Variants in FHL2 observed in about 807,000 individuals in gnomAD.
FHL2 encodes the protein four and a half LIM domains protein 2.
Under a neutral mutation model 32.7 loss-of-function variants are expected in FHL2, and 20 were observed. That is an observed-to-expected ratio of 0.61 (90% confidence interval 0.43 to 0.89). The LOEUF (loss-of-function observed/expected upper bound fraction) is 0.89, where lower values mean the gene tolerates loss of function less well. Ranked by LOEUF, FHL2 falls within the 40% of genes least tolerant of loss-of-function variation. The probability of loss-of-function intolerance (pLI) is 0.00; values close to 1 mark genes in which losing one functional copy is unlikely to be tolerated. For missense variants in FHL2, 311 were observed against 358.6 expected (o/e 0.87, Z 1.07); for synonymous variants, 123 against 128.1 (o/e 0.96, Z 0.27).
Position 105,375,362 on chromosome 2 carries a change from G to A in FHL2, c.157-1629C>T, listed in dbSNP as rs184434009. 21 of 152,370 alleles carry A rather than the reference G, an allele frequency of 1.4e-4. No homozygotes were observed. The East Asian group carries it at 3.7e-3, about 27-fold the overall frequency. The allele number at this position is 152,370 out of a possible 1,614,324, so 9.4% of individuals were successfully genotyped here. A position where few individuals can be genotyped will look rare whatever the true frequency, so the allele number is the denominator to read the frequency against. On this transcript the variant is annotated intron_variant, in intron 3 of 6. Coordinates refer to ENST00000530340, the MANE Select transcript of FHL2 (RefSeq NM_001318895.3). ...CTTGTGCTATCCCTGTTGGAAGTTT[G>A]CTTCCTAGAACATCTGGGAATAGGA...
At chr2:105,378,919 G>C (rs1367122445) in intron 3 of FHL2, 1 of 152,182 alleles carries the variant, frequency 6.6e-6, no homozygotes, top group East Asian at 1.9e-4. Flanking sequence ...AGGGTGGTGG[G>C]CTTCCTGGGC....
At chr2:105,406,490 G>C (rs1683634923) in intron 1 of FHL2, among the ~76,000 whole-genome samples, 2 of 133,302 alleles carry the variant, frequency 1.5e-5, no homozygotes, top group South Asian at 4.8e-4. Flanking sequence ...TTGATAACTT[G>C]AAATTCAATT....
chr2:105,419,558 C>A (rs1684038190), intron 1 of FHL2, among the ~76,000 whole-genome samples: 1 of 152,222 alleles, frequency 6.6e-6, no homozygotes, highest in Admixed American at 6.5e-5. Flanking sequence ...AGCACCAAGA[C>A]AGGTCTGCAC....
chr2:105,402,836 C>T (rs1218374749), upstream of FHL2, among the ~76,000 whole-genome samples: 1 of 152,212 alleles, frequency 6.6e-6, no homozygotes. Context: ...GAGCATGGCA[C>T]ATAGTATGTG....
chr2:105,363,050 G>A (rs1023790188), intron 6 of FHL2: 20 of 498,692 alleles, frequency 4.0e-5, no homozygotes, highest in African/African-American at 5.8e-5. Context: ...AAACTAAACT[G>A]GAGCACTGGC....
At chr2:105,419,077 A>G (rs906988540) in intron 1 of FHL2, among the ~76,000 whole-genome samples, 2 of 152,240 alleles carry the variant, frequency 1.3e-5, no homozygotes, top group South Asian at 2.1e-4. Context: ...CTGTCCACAA[A>G]GTAGGCTTTC....
intron 1 of FHL2, among the ~76,000 whole-genome samples, chr2:105,420,632 C>G (rs1485978868): frequency 6.6e-6 from 1 of 152,072 alleles, no homozygotes; most frequent in Non-Finnish European, 1.5e-5. Context: ...TGCAGATATC[C>G]CTAACCTTTT....
intron 1 of FHL2, among the ~76,000 whole-genome samples, chr2:105,411,053 T>G (rs908674082): frequency 6.6e-6 from 1 of 152,140 alleles, no homozygotes; most frequent in Admixed American, 6.5e-5. Context: ...TTTGTGAAAT[T>G]TGAAGGGGAG....
chr2:105,414,895 G>A (rs1683891548), intron 1 of FHL2, among the ~76,000 whole-genome samples: 1 of 152,160 alleles, frequency 6.6e-6, no homozygotes, highest in African/African-American at 2.4e-5. Context: ...GAAACTGAAA[G>A]AAGACCAAAT....
At chr2:105,399,621 A>G (rs1354675761), upstream of FHL2, 17 of 1,520,502 alleles carry the variant, frequency 1.1e-5, no homozygotes, top group Admixed American at 2.1e-5. Flanking sequence ...GGGCCAGAAG[A>G]CTAGTTAGAC....
At chr2:105,399,723 G>T (rs959769513), upstream of FHL2, 20 of 1,147,008 alleles carry the variant, frequency 1.7e-5, no homozygotes, top group African/African-American at 1.6e-4. Context: ...TGACGCTGAC[G>T]CTGGGTAGGG....
rs1332432057 is a variant in FHL2 at position 105,363,335 on chromosome 2, A to AAGC, written c.635_637dup (p.Cys212dup). On this transcript the variant is annotated inframe_insertion, in exon 6 of 7. Coordinates refer to ENST00000530340, the MANE Select transcript of FHL2 (RefSeq NM_001318895.3). ...ACACTTCTTGGCATACAAGTCACAG[A>AAGC]AGCAGTTCAGGCAGTAGGCAAAGTC... The AAGC allele has an allele frequency of 1.2e-6, 2 of 1,614,066 alleles. No individual in the cohort carries two copies. Among genetic ancestry groups the AAGC allele is most frequent in the African/African-American group, 2.7e-5 (2 of 74,922 alleles).
At chr2:105,436,328 T>C (rs1271547300) in intron 1 of FHL2, among the ~76,000 whole-genome samples, 1 of 152,188 alleles carries the variant, frequency 6.6e-6, no homozygotes, top group Non-Finnish European at 1.5e-5. Flanking sequence ...GATCATACTT[T>C]GAACTGATGT....
intron 2 of FHL2, among the ~76,000 whole-genome samples, chr2:105,391,552 A>G (rs1682735296): frequency 6.6e-6 from 1 of 152,148 alleles, no homozygotes; most frequent in Non-Finnish European, 1.5e-5. Context: ...CAAGGCAATG[A>G]GGGCCTGGAT....
At chr2:105,424,990 C>A (rs552432178) in intron 1 of FHL2, among the ~76,000 whole-genome samples, 3 of 152,028 alleles carry the variant, frequency 2.0e-5, no homozygotes, top group Non-Finnish European at 4.4e-5. Context: ...CTGCACATTC[C>A]GTACATGTAC....
chr2:105,400,722 G>A (rs1180019330), upstream of FHL2, among the ~76,000 whole-genome samples: 2 of 136,908 alleles, frequency 1.5e-5, no homozygotes, highest in African/African-American at 2.7e-5. Context: ...ACTTACGGGT[G>A]TAATCCATTT....
At chr2:105,413,214 T>C (rs556617071) in intron 1 of FHL2, among the ~76,000 whole-genome samples, 12 of 152,028 alleles carry the variant, frequency 7.9e-5, no homozygotes, top group East Asian at 3.9e-4. Context: ...AGAAATACAA[T>C]AGTCAAAACA....
chr2:105,383,710 T>C (rs759948289), intron 3 of FHL2, among the ~76,000 whole-genome samples: 6 of 152,210 alleles, frequency 3.9e-5, no homozygotes, highest in Admixed American at 6.5e-5. Context: ...CCTGCCAGGA[T>C]TGTGGGCTTT....
chr2:105,360,073 G>A (rs1257911590), downstream of FHL2: 1 of 152,216 alleles, frequency 6.6e-6, no homozygotes, highest in Non-Finnish European at 1.5e-5. Context: ...GGGGGACCGA[G>A]GCAGGTGGAT....
Sources: gnomAD v4.1 joint callset for allele counts (sites outside exome capture counted in the v4.1 genomes callset) on GRCh38, gnomAD v4.1.1 for gene constraint, MANE v1.5 for transcripts, NCBI Gene and HGNC (gene_info 2026-07-23, HGNC 2026-07-21) for gene names.